Variants in PLCG2 observed in about 807,000 individuals in gnomAD.
PLCG2 encodes phospholipase C gamma 2, also known as 1-phosphatidylinositol 4,5-bisphosphate phosphodiesterase gamma-2.
A neutral mutation model predicts 175.6 loss-of-function variants in PLCG2; 69 were observed. That is an observed-to-expected ratio of 0.39 (90% confidence interval 0.32 to 0.48). PLCG2 has a LOEUF of 0.48. PLCG2 is among the 20% of genes least tolerant of loss of function. PLCG2 has a pLI of 0.91. For synonymous variants in PLCG2, 827 were observed against 624.0 expected (o/e 1.33, Z -4.85); for missense variants, 1,798 against 1,650.9 (o/e 1.09, Z -1.54).
At chr16:81,871,000 C>A in intron 7 of PLCG2, 65 bp downstream of exon 7, 3 of 880,772 alleles carry the variant, frequency 3.4e-6, no homozygotes, top group Non-Finnish European at 3.6e-6. Flanking sequence ...CCAAGTCTGG[C>A]ATGTTCCTAA....
chr16:81,921,572 C>T (rs3922849), intron 21 of PLCG2: 198,234 of 403,432 alleles, frequency 0.49, 50,817 homozygotes, highest in East Asian at 0.77. Context: ...GGCTCGCTGA[C>T]AGAGCCTGTG....
intron 15 of PLCG2, among the ~76,000 whole-genome samples, chr16:81,906,794 C>T (rs1194463201): frequency 6.6e-6 from 1 of 152,092 alleles, no homozygotes; most frequent in Non-Finnish European, 1.5e-5. Flanking sequence ...AATCCTAGCA[C>T]CTTGGGAGGC....
chr16:81,929,002 A>G (rs1910391780), intron 24 of PLCG2, among the ~76,000 whole-genome samples: 1 of 152,232 alleles, frequency 6.6e-6, no homozygotes, highest in Non-Finnish European at 1.5e-5. Context: ...TTCTAAACCC[A>G]GCTCTGCCTC....
chr16:81,755,287 C>G (rs758294786), intron 1 of PLCG2, among the ~76,000 whole-genome samples: 18 of 152,144 alleles, frequency 1.2e-4, no homozygotes, highest in Non-Finnish European at 2.6e-4. Flanking sequence ...GCCTTGACCT[C>G]CTGGGCTCAA....
At chr16:81,855,527 C>G (rs1247885830) in intron 3 of PLCG2, among the ~76,000 whole-genome samples, 2 of 152,208 alleles carry the variant, frequency 1.3e-5, no homozygotes, top group African/African-American at 4.8e-5. Context: ...CATTCTTTTA[C>G]TACATGTCTT....
At chr16:81,753,700 C>T (rs1212112075) in intron 1 of PLCG2, among the ~76,000 whole-genome samples, 2 of 152,210 alleles carry the variant, frequency 1.3e-5, no homozygotes, top group East Asian at 1.9e-4. Context: ...TGAGCCACTG[C>T]ACCCAGCAGT....
chr16:81,832,416 A>G (rs968432993), intron 2 of PLCG2, among the ~76,000 whole-genome samples: 8 of 152,090 alleles, frequency 5.3e-5, no homozygotes, highest in Non-Finnish European at 8.8e-5. Context: ...TTGAGACACG[A>G]TCTCACTCTA....
chr16:81,815,680 TC>T (rs2143312196), intron 2 of PLCG2, among the ~76,000 whole-genome samples: 1 of 152,188 alleles, frequency 6.6e-6, no homozygotes, highest in East Asian at 1.9e-4. Context: ...CCTGATTTTT[TC>T]CAGTTCCCAT....
chr16:81,778,032 C>CAAA (rs566484508), upstream of PLCG2, among the ~76,000 whole-genome samples: 6 of 58,710 alleles, frequency 1.0e-4, no homozygotes, highest in African/African-American at 4.3e-4. Flanking sequence ...AAAAAAAAAA[C>CAAA]AAAAAAAAAA....
chr16:81,847,839 C>T (rs1478807532), intron 2 of PLCG2, among the ~76,000 whole-genome samples: 2 of 152,114 alleles, frequency 1.3e-5, no homozygotes, highest in East Asian at 3.9e-4. Flanking sequence ...TGCAAATTCT[C>T]TGCCATTTTT....
At chr16:81,803,880 C>T (rs968906159) in intron 2 of PLCG2, among the ~76,000 whole-genome samples, 1 of 152,102 alleles carries the variant, frequency 6.6e-6, no homozygotes, top group Non-Finnish European at 1.5e-5. Flanking sequence ...CAGGGTTTCA[C>T]TATGTTGGCC....
chr16:81,778,045 A>AAC (rs746647458), upstream of PLCG2, among the ~76,000 whole-genome samples: 54 of 77,910 alleles, frequency 6.9e-4, 1 homozygote, highest in Middle Eastern at 6.5e-3. Context: ...AAAAAAAACA[A>AAC]AAAAAAAAAC....
intron 25 of PLCG2, among the ~76,000 whole-genome samples, chr16:81,933,766 C>A (rs1367228591): frequency 6.6e-6 from 1 of 152,172 alleles, no homozygotes; most frequent in African/African-American, 2.4e-5. Flanking sequence ...CTCTCAAGGT[C>A]CCCCCTTGGC....
chr16:81,913,185 C>T (rs1410631515), intron 19 of PLCG2, among the ~76,000 whole-genome samples: 1 of 152,182 alleles, frequency 6.6e-6, no homozygotes, highest in Admixed American at 6.5e-5. Flanking sequence ...TACCCCAAAA[C>T]GCCAGATTCT....
At chr16:81,882,249 T>G (rs1417023610) in intron 8 of PLCG2, among the ~76,000 whole-genome samples, 4 of 152,170 alleles carry the variant, frequency 2.6e-5, no homozygotes, top group African/African-American at 9.7e-5. Flanking sequence ...GGCCCTGTTT[T>G]TCTGGTGGCC....
chr16:81,952,016 G>T (rs1297039973), intron 31 of PLCG2, among the ~76,000 whole-genome samples: 1 of 152,014 alleles, frequency 6.6e-6, no homozygotes, highest in African/African-American at 2.4e-5. Context: ...TGTTCTAGAA[G>T]TAACAAACAG....
chr16:81,745,173 C>T (rs1909679607), intron 1 of PLCG2, among the ~76,000 whole-genome samples: 1 of 152,130 alleles, frequency 6.6e-6, no homozygotes, highest in South Asian at 2.1e-4. Context: ...GTTGGGTAAC[C>T]CAGCCCAAGA....
chr16:81,811,770 C>T (rs561606785), intron 2 of PLCG2, among the ~76,000 whole-genome samples: 30 of 152,238 alleles, frequency 2.0e-4, no homozygotes, highest in East Asian at 3.9e-4. Context: ...AGTCTATCAT[C>T]GATGGGCATT....
chr16:81,850,884 C>A (rs1906373268), intron 2 of PLCG2, among the ~76,000 whole-genome samples: 1 of 152,128 alleles, frequency 6.6e-6, no homozygotes, highest in Admixed American at 6.5e-5. Context: ...GGGTTAACTC[C>A]CTTGAGTAAG....
Sources: allele counts gnomAD v4.1 joint callset (sites outside exome capture counted in the v4.1 genomes callset), GRCh38; gene constraint gnomAD v4.1.1; transcripts MANE v1.5; gene names NCBI Gene and HGNC (gene_info 2026-07-23, HGNC 2026-07-21).